Variants in GRXCR2 observed in about 807,000 individuals in gnomAD.
GRXCR2 encodes glutaredoxin domain-containing cysteine-rich protein 2.
A neutral mutation model predicts 24.8 loss-of-function variants in GRXCR2; 23 were observed. The ratio of observed to expected loss-of-function variants is 0.93; its 90% CI spans 0.67 to 1.32. The LOEUF is 1.32. Among genes scored for constraint, GRXCR2 ranks in the 40% most tolerant of loss-of-function variants. GRXCR2 has a pLI of 0.00. For missense variants in GRXCR2, 315 were observed against 303.4 expected, an observed-to-expected ratio of 1.04 and a Z score of -0.28; for synonymous variants, 130 against 116.1, an observed-to-expected ratio of 1.12 and a Z score of -0.77.
chr5:145,907,065 C>T (rs1009319970), intron 2 of GRXCR2, among the ~76,000 whole-genome samples: 2 of 151,766 alleles, frequency 1.3e-5, no homozygotes, highest in African/African-American at 2.4e-5. Context: ...GCAAGGAGGC[C>T]GGGGTGGCTA....
At chr5:145,866,765 C>A (rs1360955524) in intron 1 of GRXCR2, 37 bp from the exon 2 acceptor site, 1 of 1,343,190 alleles carries the variant, frequency 7.4e-7, no homozygotes, top group South Asian at 1.2e-5. Context: ...AACTTTACCA[C>A]CAATCACCAA....
At chr5:145,915,520 C>G (rs1244009629) in intron 2 of GRXCR2, among the ~76,000 whole-genome samples, 1 of 152,158 alleles carries the variant, frequency 6.6e-6, no homozygotes, top group East Asian at 1.9e-4. Flanking sequence ...CACAGTGGCT[C>G]ACACCTGTAA....
intron 2 of GRXCR2, among the ~76,000 whole-genome samples, chr5:145,910,176 A>T (rs1366233615): frequency 6.6e-6 from 1 of 152,210 alleles, no homozygotes; most frequent in African/African-American, 2.4e-5. Flanking sequence ...AACTGAATTC[A>T]TTACTAAAAT....
At chr5:145,876,298 A>T (rs915586199), upstream of GRXCR2, among the ~76,000 whole-genome samples, 1 of 147,114 alleles carries the variant, frequency 6.8e-6, no homozygotes, top group Non-Finnish European at 1.5e-5. Context: ...TTTTTTTGAG[A>T]CAGGGTCTTG....
Position 145,924,621 on chromosome 5 carries a change from C to A in GRXCR2, c.-70+11080G>T, listed in dbSNP as rs531758647. On this transcript the variant is annotated intron_variant, in intron 2 of 3. Transcript: ENST00000639411. ...AATAAATGTGGCAAATGGGATGACACGAAGATTAAGAGCACAGCCTGCCTG... is the reference window on the plus strand; with the variant it reads ...AATAAATGTGGCAAATGGGATGACAAGAAGATTAAGAGCACAGCCTGCCTG... Among the ~76,000 whole-genome samples, 3 of 152,250 alleles carry A rather than the reference C, an allele frequency of 2.0e-5. No individual in the cohort carries two copies. In the South Asian group the frequency reaches 6.2e-4, roughly 32 times the overall value.
intron 2 of GRXCR2, among the ~76,000 whole-genome samples, chr5:145,924,865 T>C (rs1581357876): frequency 1.3e-5 from 2 of 152,272 alleles, no homozygotes; most frequent in South Asian, 4.1e-4. Flanking sequence ...CCAGACCACA[T>C]AAACCTTCAG....
intron 2 of GRXCR2, among the ~76,000 whole-genome samples, chr5:145,904,657 T>G (rs1248246695): frequency 6.6e-6 from 1 of 152,214 alleles, no homozygotes; most frequent in Non-Finnish European, 1.5e-5. Context: ...GGTTCGGGGT[T>G]GGACAGAGTA....
intron 2 of GRXCR2, among the ~76,000 whole-genome samples, chr5:145,929,038 G>T (rs1191267271): frequency 6.6e-6 from 1 of 151,530 alleles, no homozygotes; most frequent in Non-Finnish European, 1.5e-5. Context: ...ATTTTGGCAT[G>T]CATTCTCCTA....
chr5:145,872,509 C>G (rs562200118), intron 1 of GRXCR2, 124 bp downstream of exon 1: 1 of 680,054 alleles, frequency 1.5e-6, no homozygotes, highest in Non-Finnish European at 2.4e-6. Flanking sequence ...CCATTTGGTG[C>G]ACCAACAGTT....
intron 2 of GRXCR2, among the ~76,000 whole-genome samples, chr5:145,903,892 GC>G (rs1757057638): frequency 6.6e-6 from 1 of 152,264 alleles, no homozygotes; most frequent in Admixed American, 6.5e-5. Context: ...CACAAAAATT[GC>G]TTTTGAATTA....
chr5:145,906,995 T>C (rs1173563340), intron 2 of GRXCR2, among the ~76,000 whole-genome samples: 4 of 152,140 alleles, frequency 2.6e-5, no homozygotes, highest in African/African-American at 7.2e-5. Context: ...AGGAAAAGCT[T>C]TCCAGCAAAG....
intron 2 of GRXCR2, among the ~76,000 whole-genome samples, chr5:145,898,610 G>T (rs1463802242): frequency 6.6e-6 from 1 of 152,030 alleles, no homozygotes; most frequent in Non-Finnish European, 1.5e-5. Context: ...TCATTCCTGG[G>T]ATGCAAGGTT....
intron 2 of GRXCR2, among the ~76,000 whole-genome samples, chr5:145,888,653 A>G (rs1177557735): frequency 1.3e-5 from 2 of 152,200 alleles, no homozygotes; most frequent in East Asian, 3.8e-4. Flanking sequence ...GATGCAGGTA[A>G]AGAACAAAAA....
chr5:145,918,843 A>G (rs758761104), intron 2 of GRXCR2, among the ~76,000 whole-genome samples: 11 of 152,206 alleles, frequency 7.2e-5, no homozygotes, highest in Non-Finnish European at 1.3e-4. Flanking sequence ...AATGGCCTCC[A>G]TTAAAACACT....
intron 2 of GRXCR2, among the ~76,000 whole-genome samples, chr5:145,912,720 G>A (rs994792193): frequency 2.6e-5 from 4 of 151,886 alleles, no homozygotes; most frequent in South Asian, 2.1e-4. Context: ...GGTATGAGGC[G>A]GAGTCCTGTG....
intron 2 of GRXCR2, among the ~76,000 whole-genome samples, chr5:145,879,892 C>T (rs1291407907): frequency 6.6e-6 from 1 of 152,168 alleles, no homozygotes; most frequent in Middle Eastern, 3.2e-3. Context: ...AAGAAACTCA[C>T]TCAAAACCGC....
At position 145,866,512 on chromosome 5, in the gene GRXCR2, G is replaced by A. The variant is rs767999715; in HGVS notation, c.553C>T (p.Arg185Trp). The A allele has an allele frequency of 1.5e-4, 248 of 1,613,248 alleles. 1 individual carries two copies. The highest frequency in any genetic ancestry group is 2.0e-4 in the Non-Finnish European group (235 of 1,179,222). Residue 185 changes from arginine (R) to tryptophan (W), a missense_variant, in exon 2 of 3, where the codon CGG becomes TGG. Physicochemically the swap from Arg to Trp is moderately radical, Grantham distance 101 (BLOSUM62 -3). Transcript: ENST00000377976. ...GCTCCCCAACGCACCTGTGTATACC[G>A]GTTTTGGGGTAATGTGCTTTCTGCC... ...VEAESTLPQN[R>W]YTQEGDIPED...
chr5:145,924,753 T>C (rs1215048206), intron 2 of GRXCR2, among the ~76,000 whole-genome samples: 1 of 152,174 alleles, frequency 6.6e-6, no homozygotes, highest in African/African-American at 2.4e-5. Flanking sequence ...CTATGGTTCT[T>C]TGCACAGAAT....
Position 145,930,265 on chromosome 5 carries a change from A to G in GRXCR2, c.-70+5436T>C, listed in dbSNP as rs1317735640. Among the ~76,000 whole-genome samples, 3 of 151,968 alleles carry G rather than the reference A, an allele frequency of 2.0e-5. No individual in the cohort carries two copies. The South Asian group carries it at 6.2e-4, about 32-fold the overall frequency. ...ACACCCAGCTAATCTTTGTATTTTT[A>G]GTAGAGATGAGGTTTTGCCACGTTG... On this transcript the variant is annotated intron_variant, in intron 2 of 3. Coordinates refer to the GRXCR2 transcript ENST00000639411.
Sources: allele counts gnomAD v4.1 joint callset (sites outside exome capture counted in the v4.1 genomes callset), GRCh38; gene constraint gnomAD v4.1.1; transcripts MANE v1.5; gene names NCBI Gene and HGNC (gene_info 2026-07-23, HGNC 2026-07-21).